The following INPP4B variants were observed in gnomAD, a reference collection of about 807,000 sequenced individuals.
The protein encoded by INPP4B is inositol polyphosphate 4-phosphatase type II.
INPP4B carries 55 observed loss-of-function variants against 122.5 expected under a neutral mutation model. The observed-to-expected ratio is 0.45, with a 90% CI of 0.36 to 0.56. INPP4B has a LOEUF of 0.56. Among genes scored for constraint, INPP4B ranks in the 20% least tolerant of loss-of-function variants. The pLI is 0.00. For synonymous variants in INPP4B, 403 were observed against 388.7 expected, an observed-to-expected ratio of 1.04 and a Z score of -0.43; for missense variants, 1,000 against 1,097.7, an observed-to-expected ratio of 0.91 and a Z score of 1.26.
rs542745778 is a variant in INPP4B at position 142,357,428 on chromosome 4, C to A, written c.373-42666G>T. Among the ~76,000 whole-genome samples, 3 of 152,076 alleles carry A rather than the reference C, an allele frequency of 2.0e-5. No homozygotes were observed. The East Asian group carries it at 5.8e-4, about 30-fold the overall frequency. Reference sequence around the variant, plus strand: ...GATGTGGAAAACCCACACATCTGGTCACAGAAGTGTTGAGTGTGAGTGTGA... The same window carrying A: ...GATGTGGAAAACCCACACATCTGGTAACAGAAGTGTTGAGTGTGAGTGTGA... On this transcript the variant is annotated intron_variant, in intron 7 of 25. Coordinates refer to ENST00000262992, the MANE Select transcript of INPP4B (RefSeq NM_001101669.3).
At chr4:142,228,948 A>G (rs955327434) in intron 12 of INPP4B, among the ~76,000 whole-genome samples, 1 of 151,666 alleles carries the variant, frequency 6.6e-6, no homozygotes, top group African/African-American at 2.4e-5. Flanking sequence ...AAGTAATAAG[A>G]GTTTAAGTTT....
intron 2 of INPP4B, among the ~76,000 whole-genome samples, chr4:142,711,491 G>A (rs1414459466): frequency 6.6e-6 from 1 of 151,940 alleles, no homozygotes; most frequent in Non-Finnish European, 1.5e-5. Context: ...AAAAGAATGA[G>A]TGACTATCAT....
chr4:142,200,303 G>A (rs1840111674), intron 14 of INPP4B, among the ~76,000 whole-genome samples: 1 of 151,710 alleles, frequency 6.6e-6, no homozygotes, highest in Non-Finnish European at 1.5e-5. Flanking sequence ...TTACTTTCTA[G>A]AGCCACAAGA....
chr4:142,571,946 T>G (rs1299613526), intron 2 of INPP4B, among the ~76,000 whole-genome samples: 1 of 152,152 alleles, frequency 6.6e-6, no homozygotes, highest in Non-Finnish European at 1.5e-5. Context: ...AATGAATAAA[T>G]TGCTTTTTTG....
At chr4:142,643,064 CTCTT>C (rs759889291) in intron 2 of INPP4B, among the ~76,000 whole-genome samples, 18 of 152,092 alleles carry the variant, frequency 1.2e-4, no homozygotes, top group Admixed American at 2.6e-4. Flanking sequence ...ATTTGACTCT[CTCTT>C]TGTCTGTTAT....
At chr4:142,748,192 G>C (rs1220031708) in intron 1 of INPP4B, among the ~76,000 whole-genome samples, 1 of 151,900 alleles carries the variant, frequency 6.6e-6, no homozygotes, top group African/African-American at 2.4e-5. Context: ...AAGAAACTTA[G>C]AAAATGTTTG....
chr4:142,533,268 C>T (rs1184280175), intron 2 of INPP4B, among the ~76,000 whole-genome samples: 1 of 152,082 alleles, frequency 6.6e-6, no homozygotes, highest in East Asian at 1.9e-4. Flanking sequence ...TCGCAAAGCT[C>T]TACTTAAAAG....
At chr4:142,037,433 A>G (rs1343664758) in intron 25 of INPP4B, among the ~76,000 whole-genome samples, 1 of 152,120 alleles carries the variant, frequency 6.6e-6, no homozygotes, top group African/African-American at 2.4e-5. Flanking sequence ...CAGTCTTCCT[A>G]TCTTCTCCTG....
rs1836792541 is a variant in INPP4B, at chr4:142,193,325, G to A, written c.1073-130C>T. On this transcript the variant is annotated intron_variant, in intron 14 of 25. Coordinates refer to ENST00000262992, the MANE Select transcript of INPP4B (RefSeq NM_001101669.3). ...TGTTTAATTTTTTAGGAATAACTAT[G>A]AACTCACATCTCAAGGGGGAAAGAG... 12 of 589,368 alleles carry A rather than the reference G, an allele frequency of 2.0e-5. No homozygotes were observed. The South Asian group carries it at 2.3e-4, about 11-fold the overall frequency. 36.5% of individuals were successfully genotyped at this position (589,368 alleles called of 1,614,324 possible). A position where few individuals can be genotyped will look rare whatever the true frequency, so the allele number is the denominator to read the frequency against.
chr4:142,304,049 C>T (rs1762473285), intron 9 of INPP4B, among the ~76,000 whole-genome samples: 1 of 152,002 alleles, frequency 6.6e-6, no homozygotes, highest in Non-Finnish European at 1.5e-5. Context: ...AATACTGGGG[C>T]TTGTGAGTCA....
At chr4:142,783,731 A>G (rs905548758) in intron 1 of INPP4B, among the ~76,000 whole-genome samples, 1 of 152,172 alleles carries the variant, frequency 6.6e-6, no homozygotes, top group African/African-American at 2.4e-5. Flanking sequence ...TAGAGAGTGT[A>G]ATGACACTTC....
At chr4:142,719,636 A>C (rs1452051072) in intron 2 of INPP4B, among the ~76,000 whole-genome samples, 1 of 152,012 alleles carries the variant, frequency 6.6e-6, no homozygotes, top group Non-Finnish European at 1.5e-5. Context: ...TAATTTTCTT[A>C]TTAATTTCTG....
intron 2 of INPP4B, among the ~76,000 whole-genome samples, chr4:142,546,588 C>T (rs962500861): frequency 5.9e-5 from 9 of 152,224 alleles, no homozygotes; most frequent in African/African-American, 2.2e-4. Context: ...ATTATGATTA[C>T]GTGTCAACAC....
intron 25 of INPP4B, among the ~76,000 whole-genome samples, chr4:142,044,760 CGTT>C (rs1750410734): frequency 1.3e-5 from 2 of 152,050 alleles, no homozygotes; most frequent in South Asian, 4.1e-4. Flanking sequence ...ATCTTTTTGT[CGTT>C]GTTTCTCAGG....
rs750663364 is a variant in INPP4B at position 142,237,937 on chromosome 4, T to A, written c.763A>T (p.Met255Leu). Reference sequence around the variant, plus strand: ...TGAAAGGAAAGAATGCTCTCTGACATCTGCTCTCGAATTCGCATCCACTTA... The same window carrying A: ...TGAAAGGAAAGAATGCTCTCTGACAACTGCTCTCGAATTCGCATCCACTTA... ...DNKWMRIREQ[M>L]SESILSFHIP... The change falls in exon 12 of 26, where the codon ATG (methionine) becomes TTG (leucine). Residue 255 changes from methionine to leucine, a missense_variant. By Grantham distance (15) the Met-to-Leu change is conservative. Transcript: ENST00000262992. 1 of 1,577,452 alleles carries A rather than the reference T, an allele frequency of 6.3e-7. No individual in the cohort carries two copies. Among genetic ancestry groups the A allele is most frequent in the African/African-American group, 1.3e-5 (1 of 74,220 alleles).
intron 25 of INPP4B, chr4:142,029,276 C>A: frequency 3.0e-6 from 3 of 990,930 alleles, no homozygotes; most frequent in Non-Finnish European, 3.6e-6. Flanking sequence ...ACATTAAAAT[C>A]TATATGTAGC....
At chr4:142,108,753 G>A (rs1788486746) in intron 22 of INPP4B, among the ~76,000 whole-genome samples, 3 of 152,020 alleles carry the variant, frequency 2.0e-5, no homozygotes, top group African/African-American at 4.8e-5. Context: ...TTCTGTACAC[G>A]TAGTCTTCCA....
chr4:142,716,907 C>T (rs1039232265), intron 2 of INPP4B, among the ~76,000 whole-genome samples: 6 of 152,112 alleles, frequency 3.9e-5, no homozygotes, highest in Non-Finnish European at 8.8e-5. Flanking sequence ...AACCCTGCTA[C>T]CAACATGAGG....
chr4:142,762,265 G>T (rs1012752511), intron 1 of INPP4B, among the ~76,000 whole-genome samples: 12 of 152,216 alleles, frequency 7.9e-5, no homozygotes, highest in South Asian at 2.1e-4. Flanking sequence ...CTAGAGTGGA[G>T]AAATAGAAAG....
Sources: gnomAD v4.1 joint callset for allele counts (sites outside exome capture counted in the v4.1 genomes callset) on GRCh38, gnomAD v4.1.1 for gene constraint, MANE v1.5 for transcripts, NCBI Gene and HGNC (gene_info 2026-07-23, HGNC 2026-07-21) for gene names.